MACROD2: variants seen among roughly 807,000 people sequenced by gnomAD.
MACROD2 encodes mono-ADP ribosylhydrolase 2, also known as ADP-ribose glycohydrolase MACROD2.
A neutral mutation model predicts 70.4 loss-of-function variants in MACROD2; 36 were observed. The observed-to-expected ratio is 0.51, with a 90% CI of 0.39 to 0.68. The LOEUF is 0.68. Ranked by LOEUF, MACROD2 falls within the 30% of genes least tolerant of loss-of-function variation. The pLI, the probability that MACROD2 is intolerant of heterozygous loss-of-function variation, is 0.00. For synonymous variants in MACROD2, 172 were observed against 178.8 expected (o/e 0.96, Z 0.30); for missense variants, 496 against 538.4 (o/e 0.92, Z 0.78).
intron 5 of MACROD2, among the ~76,000 whole-genome samples, chr20:15,035,187 A>G (rs1264131253): frequency 6.6e-6 from 1 of 152,152 alleles, no homozygotes; most frequent in Admixed American, 6.5e-5. Flanking sequence ...TAAGCCCAGG[A>G]GTTCCAGACC....
At chr20:14,325,916 C>G in intron 3 of MACROD2, 1 of 1,613,950 alleles carries the variant, frequency 6.2e-7, no homozygotes, top group Non-Finnish European at 8.5e-7. Flanking sequence ...CCAATGATGG[C>G]AGCCAAAGGT....
chr20:14,085,462 G>A (rs939622800), intron 2 of MACROD2, among the ~76,000 whole-genome samples, 159 bp from the exon 3 acceptor site: 10 of 152,164 alleles, frequency 6.6e-5, no homozygotes, highest in African/African-American at 2.4e-4. Flanking sequence ...ACAAAATAGA[G>A]AATAAACCAC....
At chr20:14,647,701 C>G (rs914495101) in intron 4 of MACROD2, among the ~76,000 whole-genome samples, 20 of 152,156 alleles carry the variant, frequency 1.3e-4, no homozygotes, top group Admixed American at 1.0e-3. Flanking sequence ...GACAAACATC[C>G]TCTTTAATAG....
chr20:15,820,011 A>G (rs1033954749), intron 8 of MACROD2, among the ~76,000 whole-genome samples: 4 of 152,152 alleles, frequency 2.6e-5, no homozygotes, highest in African/African-American at 9.7e-5. Flanking sequence ...ATCCCATAAT[A>G]TCATGTTGCA....
chr20:14,600,998 T>C (rs1236388779), intron 4 of MACROD2, among the ~76,000 whole-genome samples: 1 of 152,194 alleles, frequency 6.6e-6, no homozygotes, highest in Non-Finnish European at 1.5e-5. Flanking sequence ...CTCTGTCTTG[T>C]TGACTATGAG....
chr20:16,026,423 T>C (rs930869824), intron 15 of MACROD2, among the ~76,000 whole-genome samples: 6 of 152,170 alleles, frequency 3.9e-5, no homozygotes, highest in African/African-American at 7.2e-5. Context: ...CCCCCAAGAA[T>C]CTCAGGAATA....
At chr20:14,854,719 A>T (rs1206249209) in intron 5 of MACROD2, among the ~76,000 whole-genome samples, 1 of 152,164 alleles carries the variant, frequency 6.6e-6, no homozygotes, top group Non-Finnish European at 1.5e-5. Flanking sequence ...AGCTCTCTTT[A>T]AGAAAAAGAC....
At chr20:15,986,992 AC>A (rs2066493737) in intron 14 of MACROD2, 73 bp from the exon 15 acceptor site, 3 of 1,331,378 alleles carry the variant, frequency 2.3e-6, no homozygotes, top group South Asian at 2.5e-5. Context: ...AACTTTCTAT[AC>A]CATAGTCACA....
At chr20:15,373,537 T>C (rs2045521574) in intron 6 of MACROD2, among the ~76,000 whole-genome samples, 1 of 152,142 alleles carries the variant, frequency 6.6e-6, no homozygotes, top group Non-Finnish European at 1.5e-5. Flanking sequence ...CCCAAGTAGC[T>C]TGGACTACAG....
chr20:16,047,943 G>A (rs551155330), intron 17 of MACROD2, among the ~76,000 whole-genome samples: 13 of 152,252 alleles, frequency 8.5e-5, no homozygotes, highest in South Asian at 2.1e-4. Flanking sequence ...TTGGATCTGC[G>A]CCAGGTACTG....
chr20:15,248,629 T>C (rs764742647), intron 6 of MACROD2, among the ~76,000 whole-genome samples: 12 of 152,164 alleles, frequency 7.9e-5, no homozygotes, highest in Non-Finnish European at 1.3e-4. Flanking sequence ...AACTACCTGG[T>C]GGAAAATTCC....
At chr20:14,044,425 G>T (rs6042497) in intron 2 of MACROD2, among the ~76,000 whole-genome samples, 1 of 152,138 alleles carries the variant, frequency 6.6e-6, no homozygotes, top group South Asian at 2.1e-4. Context: ...GGACCTGAGC[G>T]GGTTGCCACT....
At chr20:15,283,535 G>A (rs1435564824) in intron 6 of MACROD2, among the ~76,000 whole-genome samples, 2 of 152,146 alleles carry the variant, frequency 1.3e-5, no homozygotes, top group Non-Finnish European at 2.9e-5. Context: ...AGCTGGGCAT[G>A]GTGGCAGGTG....
chr20:14,350,542 T>A (rs1331690849), intron 3 of MACROD2, among the ~76,000 whole-genome samples: 2 of 152,210 alleles, frequency 1.3e-5, no homozygotes, highest in Non-Finnish European at 2.9e-5. Flanking sequence ...GCCTGTTTGC[T>A]ATTTGTGTGT....
intron 3 of MACROD2, among the ~76,000 whole-genome samples, chr20:14,396,989 CT>C (rs372145747): frequency 3.3e-4 from 32 of 97,004 alleles, no homozygotes; most frequent in African/African-American, 1.0e-3. Flanking sequence ...AGACCATTTA[CT>C]TTTTTTTTTT....
Position 15,855,576 on chromosome 20 carries a change from T to C in MACROD2, c.646-7169T>C, listed in dbSNP as rs187049541. 1.1e-4 allele frequency among the ~76,000 whole-genome samples: 16 copies of C among 152,246 alleles called. No individual in the cohort carries two copies. The East Asian group carries it at 2.7e-3, about 26-fold the overall frequency. ...TACAGAAAAGAACACAGTTCCTGAG[T>C]GCACAGCTTGATGAATTTTCACAAA... is the stretch of plus-strand genomic sequence containing the variant. On this transcript the variant is annotated intron_variant, in intron 8 of 17. Coordinates refer to ENST00000684519, the MANE Select transcript of MACROD2 (RefSeq NM_001351661.2).
At chr20:14,699,331 T>C (rs1470856793) in intron 5 of MACROD2, among the ~76,000 whole-genome samples, 1 of 152,230 alleles carries the variant, frequency 6.6e-6, no homozygotes, top group Non-Finnish European at 1.5e-5. Context: ...TGCTTAAATG[T>C]TGTAAATGTG....
chr20:15,480,169 G>A (rs1277593138), intron 7 of MACROD2, among the ~76,000 whole-genome samples: 2 of 152,170 alleles, frequency 1.3e-5, no homozygotes, highest in African/African-American at 4.8e-5. Flanking sequence ...CGATGAGCTT[G>A]TGAAACATGT....
At chr20:14,945,816 G>A (rs2074426932) in intron 5 of MACROD2, among the ~76,000 whole-genome samples, 1 of 152,104 alleles carries the variant, frequency 6.6e-6, no homozygotes, top group Non-Finnish European at 1.5e-5. Context: ...CACTATTTGG[G>A]TATTTTTGTA....
Sources: gnomAD v4.1 joint callset for allele counts (sites outside exome capture counted in the v4.1 genomes callset) on GRCh38, gnomAD v4.1.1 for gene constraint, MANE v1.5 for transcripts, NCBI Gene and HGNC (gene_info 2026-07-23, HGNC 2026-07-21) for gene names.